The following LRBA variants were observed in gnomAD, a reference collection of about 807,000 sequenced individuals.
LRBA encodes the protein LPS responsive beige-like anchor protein, also known as lipopolysaccharide-responsive and beige-like anchor protein.
LRBA carries 176 observed loss-of-function variants against 330.0 expected under a neutral mutation model. The observed-to-expected ratio is 0.53, with a 90% CI of 0.47 to 0.60. The LOEUF (loss-of-function observed/expected upper bound fraction) is 0.60, where lower values mean the gene tolerates loss of function less well. Among genes scored for constraint, LRBA ranks in the 20% least tolerant of loss-of-function variants. The probability of loss-of-function intolerance (pLI) is 0.00; values close to 1 mark genes in which losing one functional copy is unlikely to be tolerated. For missense variants in LRBA, 3,259 were observed against 3,444.8 expected (o/e 0.95, Z 1.35); for synonymous variants, 1,230 against 1,193.0 (o/e 1.03, Z -0.64).
rs1385879600 is a variant in LRBA, at chr4:150,844,085, C to T, written c.4569+15G>A. 6.8e-6 allele frequency: 10 copies of T among 1,462,078 alleles called. No individual in the cohort carries two copies. In the Middle Eastern group the frequency reaches 7.0e-4, roughly 102 times the overall value. The allele number at this position is 1,462,078 out of a possible 1,614,324, so 90.6% of individuals were successfully genotyped here. A position where few individuals can be genotyped will look rare whatever the true frequency, so the allele number is the denominator to read the frequency against. Reference sequence around the variant, plus strand: ...ATCAGTTAAGAGAGTATGTGAAAGACATATTGTAACTTACTATGTCTCTGA... The same window carrying T: ...ATCAGTTAAGAGAGTATGTGAAAGATATATTGTAACTTACTATGTCTCTGA... On this transcript the variant is annotated intron_variant, in intron 28 of 56. Transcript: ENST00000651943.
chr4:150,894,858 T>G (rs1407271713), intron 16 of LRBA, among the ~76,000 whole-genome samples: 1 of 152,194 alleles, frequency 6.6e-6, no homozygotes, highest in Non-Finnish European at 1.5e-5. Context: ...ACCTGAAAAC[T>G]TCAAATATTA....
chr4:150,556,949 C>T (rs1379265382), intron 40 of LRBA, among the ~76,000 whole-genome samples: 5 of 152,044 alleles, frequency 3.3e-5, no homozygotes, highest in Non-Finnish European at 7.4e-5. Context: ...GCCACAATTA[C>T]CAAAGAAAGA....
intron 37 of LRBA, among the ~76,000 whole-genome samples, chr4:150,606,532 A>G (rs904352201): frequency 6.6e-6 from 1 of 152,186 alleles, no homozygotes; most frequent in East Asian, 1.9e-4. Context: ...TAAATATAAA[A>G]AAAATAAGTT....
chr4:150,868,168 C>A lies in LRBA; in HGVS notation c.2573+14G>T. On this transcript the variant is annotated intron_variant, in intron 21 of 56. Coordinates refer to ENST00000651943, the MANE Select transcript of LRBA (RefSeq NM_001364905.1). ...TTTGAATACTGCAAATAAATGCTTTCTGATTCAGCTTACCTCCTGTTTTCT... is the reference window on the plus strand; with the variant it reads ...TTTGAATACTGCAAATAAATGCTTTATGATTCAGCTTACCTCCTGTTTTCT... 1 of 1,599,822 alleles carries A rather than the reference C, an allele frequency of 6.3e-7. No individual in the cohort carries two copies. The highest frequency in any genetic ancestry group is 8.5e-7 in the Non-Finnish European group (1 of 1,174,732).
chr4:150,844,317 G>T, intron 27 of LRBA, 110 bp from the exon 28 acceptor site: 1 of 601,520 alleles, frequency 1.7e-6, no homozygotes, highest in Non-Finnish European at 2.7e-6. Flanking sequence ...CAAAGCTATA[G>T]CATTCCTTTC....
chr4:150,903,236 T>A (rs1163776861), intron 13 of LRBA, among the ~76,000 whole-genome samples: 2 of 150,852 alleles, frequency 1.3e-5, no homozygotes, highest in Non-Finnish European at 3.0e-5. Context: ...ATTTAAAGAG[T>A]TAGCTGGGAA....
chr4:150,349,391 A>C, intron 48 of LRBA, among the ~76,000 whole-genome samples: 1 of 152,212 alleles, frequency 6.6e-6, no homozygotes, highest in Non-Finnish European at 1.5e-5. Context: ...AATTAGAAGG[A>C]TGCATAATTA....
chr4:150,363,127 T>C (rs1320758285), intron 47 of LRBA, among the ~76,000 whole-genome samples: 2 of 152,060 alleles, frequency 1.3e-5, no homozygotes, highest in Non-Finnish European at 2.9e-5. Context: ...AGAGACCTTG[T>C]CTCAAAAAAC....
chr4:150,968,074 G>A (rs1048374266), intron 2 of LRBA, among the ~76,000 whole-genome samples: 5 of 148,846 alleles, frequency 3.4e-5, no homozygotes, highest in African/African-American at 5.0e-5. Flanking sequence ...GCGCGATTTC[G>A]GTTTACTGCA....
At chr4:150,677,406 A>G (rs1343340199) in intron 37 of LRBA, among the ~76,000 whole-genome samples, 1 of 152,216 alleles carries the variant, frequency 6.6e-6, no homozygotes, top group Non-Finnish European at 1.5e-5. Context: ...TAATGTTTCA[A>G]TGAGCATATG....
At chr4:150,704,458 C>T (rs1044751973) in intron 36 of LRBA, among the ~76,000 whole-genome samples, 3 of 151,656 alleles carry the variant, frequency 2.0e-5, no homozygotes, top group Admixed American at 6.6e-5. Context: ...AATTAAAACA[C>T]AAAAAGAGCC....
chr4:150,379,848 C>T (rs1189559693), intron 47 of LRBA, among the ~76,000 whole-genome samples: 1 of 151,938 alleles, frequency 6.6e-6, no homozygotes, highest in Admixed American at 6.6e-5. Context: ...ACCATGAACT[C>T]CATACATAGG....
chr4:150,640,884 A>G (rs140199100), intron 37 of LRBA, among the ~76,000 whole-genome samples: 104 of 152,312 alleles, frequency 6.8e-4, no homozygotes, highest in African/African-American at 2.4e-3. Flanking sequence ...CCACCATGGC[A>G]TTTAGGATCG....
intron 45 of LRBA, among the ~76,000 whole-genome samples, chr4:150,436,195 T>C (rs1349740100): frequency 1.3e-5 from 2 of 152,228 alleles, no homozygotes; most frequent in African/African-American, 4.8e-5. Flanking sequence ...CTAGGATTTA[T>C]GTCTGCCTGT....
At chr4:150,726,227 C>T (rs1413153361) in intron 36 of LRBA, among the ~76,000 whole-genome samples, 1 of 152,044 alleles carries the variant, frequency 6.6e-6, no homozygotes, top group Admixed American at 6.6e-5. Context: ...AAAACAAGAC[C>T]TAATGATCTG....
At chr4:150,971,723 A>C (rs1226984963) in intron 2 of LRBA, among the ~76,000 whole-genome samples, 2 of 152,196 alleles carry the variant, frequency 1.3e-5, no homozygotes, top group Admixed American at 6.5e-5. Context: ...AAACAAATGA[A>C]ACATTAAGAG....
chr4:150,950,574 C>CA (rs35609214), intron 2 of LRBA, among the ~76,000 whole-genome samples: 102,759 of 147,474 alleles, frequency 0.7, 40,850 homozygotes, highest in Non-Finnish European at 0.9. Context: ...TTTTCTCCAC[C>CA]AAAAAAAAAA....
chr4:150,466,195 A>G (rs1323064518), intron 44 of LRBA, among the ~76,000 whole-genome samples: 1 of 152,120 alleles, frequency 6.6e-6, no homozygotes, highest in Non-Finnish European at 1.5e-5. Flanking sequence ...CTCGGTAACT[A>G]TTGTGATTGT....
intron 37 of LRBA, among the ~76,000 whole-genome samples, chr4:150,607,313 G>A (rs1467957672): frequency 1.3e-5 from 2 of 152,108 alleles, no homozygotes; most frequent in Admixed American, 6.6e-5. Context: ...AGTGAGGATG[G>A]AGCCTAGAAG....
Sources: gnomAD v4.1 joint callset for allele counts (sites outside exome capture counted in the v4.1 genomes callset) on GRCh38, gnomAD v4.1.1 for gene constraint, MANE v1.5 for transcripts, NCBI Gene and HGNC (gene_info 2026-07-23, HGNC 2026-07-21) for gene names.